The following ARHGAP15 variants were observed in gnomAD, a reference collection of about 807,000 sequenced individuals.
ARHGAP15 encodes the protein Rho GTPase activating protein 15, also known as rho GTPase-activating protein 15.
In ARHGAP15, 51 loss-of-function variants were observed where a neutral mutation model predicts 63.7. That is an observed-to-expected ratio of 0.80 (90% confidence interval 0.64 to 1.01). The LOEUF is 1.01. Among genes scored for constraint, ARHGAP15 ranks in the 50% least tolerant of loss-of-function variants. The pLI, the probability that ARHGAP15 is intolerant of heterozygous loss-of-function variation, is 0.00. For missense variants in ARHGAP15, 560 were observed against 564.6 expected (o/e 0.99, Z 0.08); for synonymous variants, 191 against 193.8 (o/e 0.99, Z 0.12).
At chr2:143,159,369 CCTT>C (rs1479690152) in intron 2 of ARHGAP15, among the ~76,000 whole-genome samples, 4 of 151,860 alleles carry the variant, frequency 2.6e-5, no homozygotes, top group Non-Finnish European at 4.4e-5. Context: ...AAAATATAAA[CCTT>C]CTGTTTAGTA....
intron 6 of ARHGAP15, among the ~76,000 whole-genome samples, chr2:143,347,007 G>T (rs957768979): frequency 3.3e-5 from 5 of 151,962 alleles, no homozygotes; most frequent in African/African-American, 7.3e-5. Context: ...CATGGAAACT[G>T]ATGTACAAAT....
chr2:143,237,523 G>T (rs989930889), intron 5 of ARHGAP15: 1 of 152,152 alleles, frequency 6.6e-6, no homozygotes, highest in Non-Finnish European at 1.5e-5. Context: ...CAAGAACTAG[G>T]TGTGTCACCA....
chr2:143,560,337 C>T (rs186570134), intron 11 of ARHGAP15, among the ~76,000 whole-genome samples: 123 of 152,296 alleles, frequency 8.1e-4, no homozygotes, highest in African/African-American at 2.8e-3. Flanking sequence ...GTACTAAGCA[C>T]TTTATTTACA....
intron 9 of ARHGAP15, among the ~76,000 whole-genome samples, chr2:143,511,576 G>A (rs1693591824): frequency 6.6e-6 from 1 of 151,832 alleles, no homozygotes; most frequent in African/African-American, 2.4e-5. Flanking sequence ...TTTTTTGTTT[G>A]TTTGTTTGTT....
intron 6 of ARHGAP15, among the ~76,000 whole-genome samples, chr2:143,367,032 A>G (rs191038854): frequency 3.7e-4 from 56 of 152,240 alleles, no homozygotes; most frequent in Admixed American, 1.6e-3. Flanking sequence ...ATAGTAGCCA[A>G]GATGCAGTAG....
intron 1 of ARHGAP15, among the ~76,000 whole-genome samples, chr2:143,134,380 A>G (rs998143048): frequency 1.3e-5 from 2 of 152,200 alleles, no homozygotes; most frequent in African/African-American, 2.4e-5. Context: ...CAAGCTTTGC[A>G]GGTTTTGCCA....
At chr2:143,258,939 A>G (rs950341660) in intron 6 of ARHGAP15, among the ~76,000 whole-genome samples, 6 of 152,164 alleles carry the variant, frequency 3.9e-5, no homozygotes, top group Non-Finnish European at 7.4e-5. Flanking sequence ...AAATTAACAA[A>G]TTGCTGAAGC....
At chr2:143,713,399 G>A (rs184479270) in intron 13 of ARHGAP15, among the ~76,000 whole-genome samples, 31 of 152,236 alleles carry the variant, frequency 2.0e-4, no homozygotes, top group East Asian at 3.9e-4. Context: ...CCCATAGCAC[G>A]TGGAAATTCT....
chr2:143,700,446 C>T lies in ARHGAP15; in HGVS notation c.1139-2973C>T, dbSNP rs567870829. On this transcript the variant is annotated intron_variant, in intron 12 of 13. Coordinates refer to ENST00000295095, the MANE Select transcript of ARHGAP15 (RefSeq NM_018460.4). ...ATTTATAGCTGCTACTTCTGTAGCC[C>T]TCAATGTCAACTGGTCCCTTTTTTG... Among the ~76,000 whole-genome samples, 32 of 152,244 alleles carry T rather than the reference C, an allele frequency of 2.1e-4. 1 individual carries two copies. The highest frequency in any genetic ancestry group is 4.4e-4 in the Non-Finnish European group (30 of 68,008).
intron 8 of ARHGAP15, among the ~76,000 whole-genome samples, chr2:143,452,772 G>A (rs1690466199): frequency 6.6e-6 from 1 of 150,966 alleles, no homozygotes; most frequent in Admixed American, 6.6e-5. Context: ...TTCTGACAAA[G>A]GTTCTGTCTG....
At chr2:143,611,270 T>C (rs1280576076) in intron 11 of ARHGAP15, among the ~76,000 whole-genome samples, 1 of 152,188 alleles carries the variant, frequency 6.6e-6, no homozygotes, top group Non-Finnish European at 1.5e-5. Flanking sequence ...GAATGACACT[T>C]TTTCCCTTCT....
At chr2:143,366,592 T>C (rs941206090) in intron 6 of ARHGAP15, among the ~76,000 whole-genome samples, 1 of 152,114 alleles carries the variant, frequency 6.6e-6, no homozygotes, top group African/African-American at 2.4e-5. Flanking sequence ...GTATCGACTT[T>C]TTGTGAATTT....
chr2:143,639,614 T>A (rs1680510051), intron 12 of ARHGAP15, among the ~76,000 whole-genome samples: 1 of 152,122 alleles, frequency 6.6e-6, no homozygotes, highest in African/African-American at 2.4e-5. Flanking sequence ...GAAGGCACTA[T>A]GTCCTTATTA....
At chr2:143,457,518 C>T (rs1262606650) in intron 8 of ARHGAP15, among the ~76,000 whole-genome samples, 1 of 151,328 alleles carries the variant, frequency 6.6e-6, no homozygotes, top group Non-Finnish European at 1.5e-5. Flanking sequence ...CAGAGTGAAA[C>T]CCTGTGTTGT....
chr2:143,627,311 CAT>C (rs1438480898), intron 12 of ARHGAP15, among the ~76,000 whole-genome samples: 1 of 152,150 alleles, frequency 6.6e-6, no homozygotes, highest in Non-Finnish European at 1.5e-5. Context: ...GGGGCTGAGA[CAT>C]ATGATATTGG....
chr2:143,668,527 C>T (rs974759965), intron 12 of ARHGAP15, among the ~76,000 whole-genome samples: 1 of 151,358 alleles, frequency 6.6e-6, no homozygotes. Flanking sequence ...TTCTAAAACC[C>T]ATGCTTTAAA....
chr2:143,326,266 TG>T (rs1160793619), intron 6 of ARHGAP15, among the ~76,000 whole-genome samples: 1 of 152,182 alleles, frequency 6.6e-6, no homozygotes, highest in Non-Finnish European at 1.5e-5. Flanking sequence ...CCAGTAATCC[TG>T]TGAGTAAACA....
chr2:143,589,814 A>G (rs1697253401), intron 11 of ARHGAP15, among the ~76,000 whole-genome samples: 1 of 152,184 alleles, frequency 6.6e-6, no homozygotes, highest in South Asian at 2.1e-4. Context: ...AAGTAATTTT[A>G]TCCATTAAAC....
intron 11 of ARHGAP15, chr2:143,593,216 G>A (rs1697388431): frequency 6.6e-6 from 1 of 152,162 alleles, no homozygotes; most frequent in African/African-American, 2.4e-5. Context: ...ATCATTTGTA[G>A]GTCAGTGTTC....
Sources: gnomAD v4.1 joint callset for allele counts (sites outside exome capture counted in the v4.1 genomes callset) on GRCh38, gnomAD v4.1.1 for gene constraint, MANE v1.5 for transcripts, NCBI Gene and HGNC (gene_info 2026-07-23, HGNC 2026-07-21) for gene names.